The following ALDOC variants were observed in gnomAD, a reference collection of about 807,000 sequenced individuals.
ALDOC encodes aldolase, fructose-bisphosphate C.
Under a neutral mutation model 39.5 loss-of-function variants are expected in ALDOC, and 23 were observed. The ratio of observed to expected loss-of-function variants is 0.58; its 90% CI spans 0.42 to 0.82. ALDOC has a LOEUF of 0.82. ALDOC is among the 40% of genes least tolerant of loss of function. The pLI is 0.00. For missense variants in ALDOC, 356 were observed against 479.1 expected (o/e 0.74, Z 2.40); for synonymous variants, 160 against 182.6 (o/e 0.88, Z 1.00).
Position 28,575,768 on chromosome 17 carries a change from T to G in ALDOC, c.-12-224A>C. 9 of 639,586 alleles carry G rather than the reference T, an allele frequency of 1.4e-5. No homozygotes were observed. Among genetic ancestry groups the G allele is most frequent in the Admixed American group, 3.3e-5 (1 of 30,132 alleles). The allele number at this position is 639,586 out of a possible 1,614,324, so 39.6% of individuals were successfully genotyped here. On this transcript the variant is annotated intron_variant, in intron 1 of 8. Coordinates refer to ENST00000226253, the MANE Select transcript of ALDOC (RefSeq NM_005165.3). The surrounding 1 kb of genome is among the most constrained non-coding windows in gnomAD (Gnocchi z 4.3). ...CCCTGGTAGGCATCCTTCCCAGCCC[T>G]GGGGAAAGATGCAGGGTGGGGGTGG...
chr17:28,575,153 G>A lies in ALDOC; in HGVS notation c.294C>T (p.Ile98=). Residue 98 remains isoleucine, a synonymous_variant, in exon 3 of 9, where the codon ATC becomes ATT. Transcript: ENST00000226253. This position sits in a 1 kb window ranked among gnomAD's most constrained non-coding sequence, Gnocchi z 4.3. ...TGCCCACGACGATGCCCTTATCCTGGATGGTTCGGACGAAGGGAACACCAT... is the reference window on the plus strand; with the variant it reads ...TGCCCACGACGATGCCCTTATCCTGAATGGTTCGGACGAAGGGAACACCAT... ...DDNGVPFVRT[I]QDKGIVVGIK... is the part of the protein sequence containing the mutation. 1.2e-6 allele frequency: 2 copies of A among 1,614,198 alleles called. No individual in the cohort carries two copies. Among genetic ancestry groups the A allele is most frequent in the Non-Finnish European group, 1.7e-6 (2 of 1,180,046 alleles).
chr17:28,575,436 C>A lies in ALDOC; in HGVS notation c.97G>T (p.Ala33Ser), dbSNP rs1236419800. The A allele has an allele frequency of 1.2e-6, 2 of 1,614,134 alleles. No individual in the cohort carries two copies. Among genetic ancestry groups the A allele is most frequent in the African/African-American group, 2.7e-5 (2 of 74,950 alleles). ...IVAPGKGILA[A>S]DESVGSMAKR... Reference sequence around the variant, plus strand: ...GTCCACTTACCTACAGACTCATCCGCAGCCAGAATGCCTTTGCCCGGGGCT... The same window carrying A: ...GTCCACTTACCTACAGACTCATCCGAAGCCAGAATGCCTTTGCCCGGGGCT... The change falls in exon 2 of 9, where the codon GCG becomes TCG. Residue 33 changes from alanine (A) to serine (S), a missense_variant. Transcript: ENST00000226253. This position sits in a 1 kb window ranked among gnomAD's most constrained non-coding sequence, Gnocchi z 4.3.
At position 28,573,640 on chromosome 17, in the gene ALDOC, A is replaced by G. The variant is rs780510976; in HGVS notation, c.1000-19T>C. 1.2e-6 allele frequency: 2 copies of G among 1,614,116 alleles called. No homozygotes were observed. Among genetic ancestry groups the G allele is most frequent in the Non-Finnish European group, 1.7e-6 (2 of 1,179,952 alleles). ...CATTCACCTGCAAAAGGGAGCGTGG[A>G]GTAAGCAGGCTGAGCCAGCCCACAG... is the stretch of plus-strand genomic sequence containing the variant. On this transcript the variant is annotated intron_variant, in intron 8 of 8. Transcript: ENST00000226253. This position sits in a 1 kb window ranked among gnomAD's most constrained non-coding sequence, Gnocchi z 4.3.
In ALDOC at chr17:28,575,341, G is replaced by A. The variant is rs777049808; in HGVS notation, c.113-7C>T. 6.2e-7 allele frequency: 1 copy of A among 1,614,212 alleles called. No homozygotes were observed. The highest frequency in any genetic ancestry group is 8.5e-7 in the Non-Finnish European group (1 of 1,180,044). On this transcript the variant is annotated splice_region_variant and splice_polypyrimidine_tract_variant and intron_variant, in intron 2 of 8. Coordinates refer to ENST00000226253, the MANE Select transcript of ALDOC (RefSeq NM_005165.3). This position sits in a 1 kb window ranked among gnomAD's most constrained non-coding sequence, Gnocchi z 4.3. The stretch of plus-strand genomic sequence containing the variant: ...AGCCGCTTGGCCATGCTGCCTAGGG[G>A]CAAACAAAGAGAGGCAGTGAGAACA...
chr17:28,575,588 T>G lies in ALDOC; in HGVS notation c.-12-44A>C. 6.3e-7 allele frequency: 1 copy of G among 1,586,736 alleles called. No homozygotes were observed. The highest frequency in any genetic ancestry group is 8.6e-7 in the Non-Finnish European group (1 of 1,167,632). On this transcript the variant is annotated intron_variant, in intron 1 of 8. Coordinates refer to ENST00000226253, the MANE Select transcript of ALDOC (RefSeq NM_005165.3). The surrounding 1 kb of genome is among the most constrained non-coding windows in gnomAD (Gnocchi z 4.3). ...AAAAAAGCCAGACCTCACCCTCTGC[T>G]GCCTCTCCTGGCCAGATGGGCCAAA...
Position 28,573,295 on chromosome 17 carries a change from T to G in ALDOC, c.*231A>C. 1.7e-6 allele frequency: 1 copy of G among 581,820 alleles called. No homozygotes were observed. The highest frequency in any genetic ancestry group is 3.1e-6 in the Non-Finnish European group (1 of 324,402). The allele number at this position is 581,820 out of a possible 1,614,324, so 36.0% of individuals were successfully genotyped here. ...GAGGTAGGGGGAGACCCAGCCATCC[T>G]GTTCTGACTTCTAGCAATTTCTTCT... On this transcript the variant is annotated 3_prime_UTR_variant, in exon 9 of 9. Transcript: ENST00000226253. This position sits in a 1 kb window ranked among gnomAD's most constrained non-coding sequence, Gnocchi z 4.3.
In ALDOC at chr17:28,573,592, A is replaced by G; in HGVS notation, c.1029T>C (p.Tyr343=). 1 of 1,614,254 alleles carries G rather than the reference A, an allele frequency of 6.2e-7. No individual in the cohort carries two copies. Among genetic ancestry groups the G allele is most frequent in the South Asian group, 1.1e-5 (1 of 91,086 alleles). ...CTCCACCATCTTCTCCACTGCCTTCATACTTGCCCTGGGCTGCAAGCCCAT... is the reference window on the plus strand; with the variant it reads ...CTCCACCATCTTCTCCACTGCCTTCGTACTTGCCCTGGGCTGCAAGCCCAT... ...EVNGLAAQGK[Y]EGSGEDGGAA... Residue 343 remains tyrosine (Y), a synonymous_variant, in exon 9 of 9, where the codon TAT becomes TAC. Coordinates refer to ENST00000226253, the MANE Select transcript of ALDOC (RefSeq NM_005165.3). This position sits in a 1 kb window ranked among gnomAD's most constrained non-coding sequence, Gnocchi z 4.3.
chr17:28,576,033 G>A (rs1344493309), intron 1 of ALDOC: 2 of 1,000,998 alleles, frequency 2.0e-6, no homozygotes, highest in Non-Finnish European at 2.4e-6. Context: ...AGAGGAAAAG[G>A]TTGGAAGAAC....
Position 28,575,146 on chromosome 17 carries a change from T to C in ALDOC, c.301A>G (p.Lys101Glu). 3.1e-6 allele frequency: 5 copies of C among 1,614,176 alleles called. No individual in the cohort carries two copies. The South Asian group carries it at 4.4e-5, about 14-fold the overall frequency. ...GVPFVRTIQD[K>E]GIVVGIKVDK... ...ACCTTGATGCCCACGACGATGCCCT[T>C]ATCCTGGATGGTTCGGACGAAGGGA... The change falls in exon 3 of 9, where the codon AAG becomes GAG. Residue 101 changes from lysine to glutamate, a missense_variant. By Grantham distance (56) the Lys-to-Glu change is moderately conservative. Coordinates refer to ENST00000226253, the MANE Select transcript of ALDOC (RefSeq NM_005165.3). The surrounding 1 kb of genome is among the most constrained non-coding windows in gnomAD (Gnocchi z 4.3).
chr17:28,574,432 G>A, intron 6 of ALDOC, 62 bp downstream of exon 6: 5 of 1,562,818 alleles, frequency 3.2e-6, no homozygotes, highest in Non-Finnish European at 4.4e-6. Flanking sequence ...GGGGTTCTGG[G>A]GAACAGACAC....
chr17:28,575,593 C>T lies in ALDOC; in HGVS notation c.-12-49G>A. The T allele has an allele frequency of 6.3e-7, 1 of 1,578,510 alleles. No homozygotes were observed. The highest frequency in any genetic ancestry group is 8.6e-7 in the Non-Finnish European group (1 of 1,163,516). On this transcript the variant is annotated intron_variant, in intron 1 of 8. Transcript: ENST00000226253. The surrounding 1 kb of genome is among the most constrained non-coding windows in gnomAD (Gnocchi z 4.3). ...AGCCAGACCTCACCCTCTGCTGCCT[C>T]TCCTGGCCAGATGGGCCAAATGGCC...
Position 28,573,869 on chromosome 17 carries a change from G to A in ALDOC, c.865C>T (p.Arg289Cys), listed in dbSNP as rs773395204. The A allele has an allele frequency of 1.5e-5, 24 of 1,614,122 alleles. No homozygotes were observed. Among genetic ancestry groups the A allele is most frequent in the Middle Eastern group, 1.6e-4 (1 of 6,084 alleles). The change falls in exon 8 of 9, where the codon CGC (arginine) becomes TGC (cysteine). Residue 289 changes from arginine to cysteine, a missense_variant. Physicochemically the swap from Arg to Cys is radical, Grantham distance 180. Coordinates refer to ENST00000226253, the MANE Select transcript of ALDOC (RefSeq NM_005165.3). This position sits in a 1 kb window ranked among gnomAD's most constrained non-coding sequence, Gnocchi z 4.3. ...GCCCAGGGTCGGGGAAGGGGGCAGC[G>A]GTTGATGGCATTGAGGTTGAATGAT... ...EASFNLNAIN[R>C]CPLPRPWALT...
At position 28,573,853 on chromosome 17, in the gene ALDOC, C is replaced by T. The variant is rs1484302705; in HGVS notation, c.881G>A (p.Arg294Gln). The T allele has an allele frequency of 6.2e-6, 10 of 1,614,052 alleles. No individual in the cohort carries two copies. Among genetic ancestry groups the T allele is most frequent in the South Asian group, 2.2e-5 (2 of 91,078 alleles). Residue 294 changes from arginine (R) to glutamine (Q), a missense_variant, in exon 8 of 9, where the codon CGA becomes CAA. Transcript: ENST00000226253. This position sits in a 1 kb window ranked among gnomAD's most constrained non-coding sequence, Gnocchi z 4.3. ...ATAGGAGAAGGTAAGCGCCCAGGGT[C>T]GGGGAAGGGGGCAGCGGTTGATGGC... ...LNAINRCPLPRPWALTFSYGR... is the reference protein window; with the variant it reads ...LNAINRCPLPQPWALTFSYGR...
At chr17:28,576,083 T>A (rs1454343516) in intron 1 of ALDOC, 10 of 800,628 alleles carry the variant, frequency 1.2e-5, no homozygotes, top group African/African-American at 5.6e-5. Context: ...AGTCACAGGC[T>A]CCTGCAGCTT....
chr17:28,574,141 A>G lies in ALDOC; in HGVS notation c.725T>C (p.Ile242Thr), dbSNP rs746954627. The stretch of plus-strand genomic sequence containing the variant: ...GGCAATCTCCTCTGGGGTATACTTG[A>G]TGGGACAGGCATGGCCCGGGGTCAC... ...NMVTPGHACP[I>T]KYTPEEIAMA... is the part of the protein sequence containing the mutation. The change falls in exon 7 of 9, where the codon ATC becomes ACC. Residue 242 changes from isoleucine (I) to threonine (T), a missense_variant. Coordinates refer to ENST00000226253, the MANE Select transcript of ALDOC (RefSeq NM_005165.3). 1 of 1,611,722 alleles carries G rather than the reference A, an allele frequency of 6.2e-7. No homozygotes were observed. The highest frequency in any genetic ancestry group is 1.7e-5 in the Admixed American group (1 of 59,674).
intron 1 of ALDOC, chr17:28,576,192 G>A (rs1049670040): frequency 6.1e-6 from 1 of 163,218 alleles, no homozygotes; most frequent in African/African-American, 2.4e-5. Context: ...ATGTAGGAAA[G>A]AGGGCCCAGC....
intron 6 of ALDOC, 54 bp from the exon 7 acceptor site, chr17:28,574,295 G>A: frequency 6.5e-7 from 1 of 1,538,086 alleles, no homozygotes; most frequent in South Asian, 1.2e-5. Context: ...ACTGGTTACT[G>A]CTCGATGCTC....
In ALDOC at chr17:28,574,185, G is replaced by A; in HGVS notation, c.681C>T (p.Thr227=). The change falls in exon 7 of 9, where the codon ACC becomes ACT. Residue 227 remains threonine (T), a synonymous_variant. Coordinates refer to ENST00000226253, the MANE Select transcript of ALDOC (RefSeq NM_005165.3). The part of the protein sequence containing the change: ...LSDHHVYLEG[T]LLKPNMVTPG... ...GGGTCACCATGTTGGGCTTGAGCAG[G>A]GTCCCCTCCAGGTATACATGATGGT... 1 of 1,611,124 alleles carries A rather than the reference G, an allele frequency of 6.2e-7. No homozygotes were observed.
rs552550744 is a variant in ALDOC at position 28,574,544 on chromosome 17, A to G, written c.574T>C (p.Leu192=). ...TTGAGGTCGTGGTCTCCATCAGGCAATATTTCAGGTTCCACAATAGGCACA... is the reference window on the plus strand; with the variant it reads ...TTGAGGTCGTGGTCTCCATCAGGCAGTATTTCAGGTTCCACAATAGGCACA... The part of the protein sequence containing the change: ...GIVPIVEPEI[L]PDGDHDLKRC... The change falls in exon 6 of 9, where the codon TTG becomes CTG. Residue 192 remains leucine, a synonymous_variant. Transcript: ENST00000226253. 1.2e-5 allele frequency: 20 copies of G among 1,614,092 alleles called. No homozygotes were observed. Among genetic ancestry groups the G allele is most frequent in the African/African-American group, 8.0e-5 (6 of 75,008 alleles).
Sources: allele counts gnomAD v4.1 joint callset, GRCh38; gene constraint gnomAD v4.1.1; non-coding constraint Gnocchi (gnomAD v3.1); transcripts MANE v1.5; gene names NCBI Gene and HGNC (gene_info 2026-07-23, HGNC 2026-07-21).